HERC4: variants seen among roughly 807,000 people sequenced by gnomAD.
HERC4 encodes HECT and RLD domain containing E3 ubiquitin protein ligase 4.
Under a neutral mutation model 124.3 loss-of-function variants are expected in HERC4, and 28 were observed. That is an observed-to-expected ratio of 0.23 (90% CI 0.17 to 0.31). The LOEUF is 0.31. Among genes scored for constraint, HERC4 ranks in the 10% least tolerant of loss-of-function variants. The pLI, the probability that HERC4 is intolerant of heterozygous loss-of-function variation, is 1.00. For missense variants in HERC4, 713 were observed against 1,229.3 expected (o/e 0.58, Z 6.28); for synonymous variants, 407 against 421.5 (o/e 0.97, Z 0.42).
At chr10:67,967,080 T>G (rs188831179) in intron 15 of HERC4, among the ~76,000 whole-genome samples, 6 of 152,322 alleles carry the variant, frequency 3.9e-5, no homozygotes, top group Non-Finnish European at 4.4e-5. Context: ...GGTCTCGATC[T>G]CCTGACCTTG....
At chr10:68,006,938 A>G (rs1050452197) in intron 9 of HERC4, among the ~76,000 whole-genome samples, 31 of 152,166 alleles carry the variant, frequency 2.0e-4, no homozygotes, top group African/African-American at 7.2e-4. Context: ...TTTGATTATC[A>G]AATGTCTTGA....
Position 68,033,947 on chromosome 10 carries a change from T to C in HERC4, c.685+18A>G. ...TCTTTCAAAAAGTACACTTAAACTATACATAATGAGAACCTACCATTTTCA... is the reference window on the plus strand; with the variant it reads ...TCTTTCAAAAAGTACACTTAAACTACACATAATGAGAACCTACCATTTTCA... On this transcript the variant is annotated intron_variant, in intron 6 of 24. Transcript: ENST00000373700. The C allele has an allele frequency of 6.3e-7, 1 of 1,599,238 alleles. No homozygotes were observed. The highest frequency in any genetic ancestry group is 8.6e-7 in the Non-Finnish European group (1 of 1,166,886).
intron 19 of HERC4, among the ~76,000 whole-genome samples, chr10:67,953,783 G>A (rs1049502752): frequency 2.0e-5 from 3 of 152,100 alleles, no homozygotes; most frequent in Non-Finnish European, 4.4e-5. Flanking sequence ...ATCAGAAAAC[G>A]TGAGGAAATT....
intron 16 of HERC4, among the ~76,000 whole-genome samples, chr10:67,957,516 C>CTATT (rs1467871552): frequency 6.6e-6 from 1 of 152,126 alleles, no homozygotes; most frequent in Admixed American, 6.6e-5. Flanking sequence ...GAGAACTGAT[C>CTATT]TATTATTATC....
intron 9 of HERC4, chr10:68,007,617 T>C (rs989980584): frequency 2.0e-5 from 3 of 152,212 alleles, no homozygotes; most frequent in Non-Finnish European, 4.4e-5. Flanking sequence ...GCATTCCAAG[T>C]ATTCAAAAGG....
rs781680419 is a variant in HERC4 at position 67,936,161 on chromosome 10, T to C, written c.2646A>G (p.Lys882=). The C allele has an allele frequency of 6.3e-7, 1 of 1,586,630 alleles. No homozygotes were observed. Among genetic ancestry groups the C allele is most frequent in the Admixed American group, 1.8e-5 (1 of 54,056 alleles). The change falls in exon 22 of 25, where the codon AAA becomes AAG. Residue 882 remains lysine, a synonymous_variant. Coordinates refer to ENST00000373700, the MANE Select transcript of HERC4 (RefSeq NM_015601.4). ...VLNGADTAVN[K]QNRQEFVDAY... ...TGCTAAAATTCACTTACCGATTTTG[T>C]TTGTTAACAGCTGTGTCTGCACCAT...
chr10:67,934,156 T>G (rs1452576791), intron 22 of HERC4, among the ~76,000 whole-genome samples: 2 of 152,246 alleles, frequency 1.3e-5, no homozygotes, highest in African/African-American at 4.8e-5. Flanking sequence ...TAATCTTTAA[T>G]GTAATTGTCC....
chr10:67,996,030 G>T, intron 9 of HERC4: 1 of 350,014 alleles, frequency 2.9e-6, no homozygotes, highest in Non-Finnish European at 5.6e-6. Context: ...TCTCCGCTGG[G>T]CACAGTAGCT....
intron 3 of HERC4, among the ~76,000 whole-genome samples, chr10:68,066,183 C>T (rs1284163587): frequency 6.6e-6 from 1 of 152,164 alleles, no homozygotes; most frequent in African/African-American, 2.4e-5. Context: ...CCTAGGAATA[C>T]AGAAGTAACT....
intron 19 of HERC4, among the ~76,000 whole-genome samples, chr10:67,943,976 C>G (rs887521620): frequency 1.3e-5 from 2 of 152,250 alleles, no homozygotes; most frequent in Admixed American, 1.3e-4. Context: ...ACTCCAAGCC[C>G]TGGCTCTCAG....
intron 16 of HERC4, chr10:67,964,877 A>C (rs1022190792): frequency 1.3e-5 from 2 of 152,006 alleles, no homozygotes; most frequent in Admixed American, 1.3e-4. Flanking sequence ...GGTTCAAGCA[A>C]TTCTCCTGCC....
At chr10:68,017,630 G>A (rs2038347840) in intron 8 of HERC4, among the ~76,000 whole-genome samples, 1 of 152,092 alleles carries the variant, frequency 6.6e-6, no homozygotes, top group African/African-American at 2.4e-5. Flanking sequence ...GGGATTACAG[G>A]TGCATGCCAC....
At chr10:67,939,125 T>C (rs368912891) in intron 21 of HERC4, among the ~76,000 whole-genome samples, 31 of 152,126 alleles carry the variant, frequency 2.0e-4, no homozygotes, top group Admixed American at 1.3e-4. Flanking sequence ...TAGTATGAAA[T>C]AGAAAGGAAT....
chr10:68,061,238 C>T (rs1349890487), intron 3 of HERC4, among the ~76,000 whole-genome samples: 1 of 152,066 alleles, frequency 6.6e-6, no homozygotes, highest in African/African-American at 2.4e-5. Context: ...CCAGTAAGAC[C>T]TGGAGGGAAG....
At chr10:68,049,605 A>AC (rs1357340592) in intron 3 of HERC4, among the ~76,000 whole-genome samples, 1 of 149,818 alleles carries the variant, frequency 6.7e-6, no homozygotes, top group East Asian at 1.9e-4. Context: ...AAAAAAAAAA[A>AC]AAAAAAAACA....
At chr10:68,061,676 C>T (rs536948701) in intron 3 of HERC4, among the ~76,000 whole-genome samples, 5 of 150,654 alleles carry the variant, frequency 3.3e-5, no homozygotes, top group South Asian at 2.1e-4. Flanking sequence ...GTCAGGAGTT[C>T]GAGACCAGCC....
chr10:68,066,367 C>T (rs1273690016), intron 3 of HERC4, among the ~76,000 whole-genome samples: 1 of 152,106 alleles, frequency 6.6e-6, no homozygotes, highest in Admixed American at 6.6e-5. Context: ...TGCTAAGTAC[C>T]CAAATTGTAA....
chr10:68,048,143 T>C (rs1415237361), intron 3 of HERC4, among the ~76,000 whole-genome samples: 1 of 152,064 alleles, frequency 6.6e-6, no homozygotes, highest in African/African-American at 2.4e-5. Context: ...GGTCATGAAC[T>C]CCTGGGCTCA....
chr10:67,990,949 T>C lies in HERC4; in HGVS notation c.1398A>G (p.Leu466=). 6.2e-7 allele frequency: 1 copy of C among 1,609,682 alleles called. No individual in the cohort carries two copies. Among genetic ancestry groups the C allele is most frequent in the South Asian group, 1.1e-5 (1 of 90,620 alleles). Residue 466 remains leucine (L), a synonymous_variant, in exon 13 of 25, where the codon TTA becomes TTG. Transcript: ENST00000373700. The part of the protein sequence containing the change: ...SGVDMNAARL[L]FHKLIQPDHP... ...GATCAGGTTGTATAAGTTTGTGGAA[T>C]AAAAGCCTAGCAGCATTCATATCAA...
Sources: allele counts gnomAD v4.1 joint callset (sites outside exome capture counted in the v4.1 genomes callset), GRCh38; gene constraint gnomAD v4.1.1; transcripts MANE v1.5; gene names NCBI Gene and HGNC (gene_info 2026-07-23, HGNC 2026-07-21).